The following FAM227A variants were observed in gnomAD, a reference collection of about 807,000 sequenced individuals.
FAM227A encodes the protein protein FAM227A.
Under a neutral mutation model 74.7 loss-of-function variants are expected in FAM227A, and 80 were observed. The observed-to-expected ratio is 1.07, with a 90% CI of 0.89 to 1.29. FAM227A has a LOEUF of 1.29. Ranked by LOEUF, FAM227A falls within the 50% of genes most tolerant of loss-of-function variation. The pLI is 0.00. For missense variants in FAM227A, 654 were observed against 683.4 expected, an observed-to-expected ratio of 0.96 and a Z score of 0.48; for synonymous variants, 237 against 241.8, an observed-to-expected ratio of 0.98 and a Z score of 0.19.
chr22:38,639,100 TCCCAGGTG>T (rs2092060514), intron 4 of FAM227A, among the ~76,000 whole-genome samples: 1 of 151,920 alleles, frequency 6.6e-6, no homozygotes, highest in African/African-American at 2.4e-5. Context: ...GGTACCTACT[TCCCAGGTG>T]TTATAAAAAT....
At chr22:38,610,728 A>G (rs1274840371) in intron 11 of FAM227A, among the ~76,000 whole-genome samples, 8 of 152,196 alleles carry the variant, frequency 5.3e-5, no homozygotes, top group African/African-American at 1.9e-4. Context: ...AAACCTGAAC[A>G]TGGTAGACTC....
intron 3 of FAM227A, among the ~76,000 whole-genome samples, chr22:38,640,780 T>C (rs2092099040): frequency 6.6e-6 from 1 of 152,056 alleles, no homozygotes; most frequent in East Asian, 1.9e-4. Flanking sequence ...TGAGTGTTGG[T>C]GGCATCAGGC....
chr22:38,635,973 G>T (rs1437394371), intron 6 of FAM227A, among the ~76,000 whole-genome samples: 1 of 151,252 alleles, frequency 6.6e-6, no homozygotes, highest in Admixed American at 6.6e-5. Flanking sequence ...CCTGGGTACA[G>T]AGGGAGACCC....
chr22:38,607,520 G>A, intron 11 of FAM227A, 44 bp from the exon 12 acceptor site: 3 of 1,312,478 alleles, frequency 2.3e-6, no homozygotes, highest in Non-Finnish European at 3.2e-6. Context: ...AAGCGAGAGA[G>A]AGAGAACAAA....
At chr22:38,600,708 A>T (rs1165430921) in intron 13 of FAM227A, among the ~76,000 whole-genome samples, 1 of 152,122 alleles carries the variant, frequency 6.6e-6, no homozygotes, top group Non-Finnish European at 1.5e-5. Flanking sequence ...CTGTAATCCC[A>T]GCACTTTGGG....
intron 8 of FAM227A, among the ~76,000 whole-genome samples, chr22:38,626,865 CAAAAAAAAA>C (rs67498232): frequency 1.2e-4 from 2 of 16,800 alleles, no homozygotes; most frequent in African/African-American, 6.7e-4. Context: ...GACTCTGTCT[CAAAAAAAAA>C]AAAAAAAAAA....
At chr22:38,600,044 C>A in intron 13 of FAM227A, 123 bp from the exon 14 acceptor site, 1 of 930,082 alleles carries the variant, frequency 1.1e-6, no homozygotes. Flanking sequence ...TAGGATGCAC[C>A]CTAAGAAAAT....
At chr22:38,590,279 CA>C (rs71197120) in intron 16 of FAM227A, among the ~76,000 whole-genome samples, 18,191 of 58,444 alleles carry the variant, frequency 0.31, 640 homozygotes, top group East Asian at 0.38. Flanking sequence ...GACTCCATCT[CA>C]AAAAAAAAAA....
At chr22:38,626,112 T>A (rs1339156294) in intron 9 of FAM227A, 68 bp downstream of exon 9, 2 of 1,506,592 alleles carry the variant, frequency 1.3e-6, no homozygotes, top group Non-Finnish European at 1.8e-6. Context: ...AACAATAACA[T>A]ACCTAGGTGC....
chr22:38,628,514 A>G (rs1443427888), intron 7 of FAM227A, among the ~76,000 whole-genome samples, 172 bp from the exon 8 acceptor site: 1 of 152,184 alleles, frequency 6.6e-6, no homozygotes, highest in Non-Finnish European at 1.5e-5. Context: ...AAGATGTACA[A>G]AGCACGTACA....
At chr22:38,626,395 A>T (rs2091801344) in intron 8 of FAM227A, 92 bp from the exon 9 acceptor site, 1 of 1,415,684 alleles carries the variant, frequency 7.1e-7, no homozygotes, top group Admixed American at 2.7e-5. Context: ...TTTTTTATAT[A>T]TAGTTTTTGT....
intron 15 of FAM227A, among the ~76,000 whole-genome samples, chr22:38,596,506 G>A (rs1270301701): frequency 6.6e-6 from 1 of 152,140 alleles, no homozygotes; most frequent in African/African-American, 2.4e-5. Flanking sequence ...TAATTGAGCT[G>A]CTGCACTGCA....
At chr22:38,655,587 G>A (rs2092381786) in intron 1 of FAM227A, among the ~76,000 whole-genome samples, 1 of 152,138 alleles carries the variant, frequency 6.6e-6, no homozygotes, top group African/African-American at 2.4e-5. Context: ...TCTTGAAATA[G>A]TAATGTTTTG....
chr22:38,611,448 T>C (rs563512084), intron 11 of FAM227A, among the ~76,000 whole-genome samples: 10 of 152,198 alleles, frequency 6.6e-5, no homozygotes, highest in African/African-American at 2.2e-4. Flanking sequence ...ACTGACTATA[T>C]CTATGCTGTT....
In FAM227A at chr22:38,623,359, G is replaced by T. The variant is rs529245702; in HGVS notation, c.851-80C>A. The T allele has an allele frequency of 2.8e-5, 26 of 914,816 alleles. No individual in the cohort carries two copies. The African/African-American group carries it at 3.1e-4, about 11-fold the overall frequency. 56.7% of individuals were successfully genotyped at this position (914,816 alleles called of 1,614,324 possible). On this transcript the variant is annotated intron_variant, in intron 9 of 16. Coordinates refer to ENST00000535113, the MANE Select transcript of FAM227A (RefSeq NM_001013647.2). ...AATCCCAGAACTTTGAGAAGCCAAG[G>T]TGGGAGGATTGCTTGAGCCCAGGAG...
intron 11 of FAM227A, among the ~76,000 whole-genome samples, chr22:38,607,820 C>T (rs753627006): frequency 7.2e-5 from 11 of 152,150 alleles, no homozygotes; most frequent in Non-Finnish European, 1.0e-4. Flanking sequence ...GCAAATTACA[C>T]GAGTGCTCAA....
Position 38,605,156 on chromosome 22 carries a change from T to C in FAM227A, c.1221+98A>G, listed in dbSNP as rs530694166. ...AAGGTTTGGCATAGTACCTGGCATATAGTAAATATTCATTAAATGTTAATT... is the reference window on the plus strand; with the variant it reads ...AAGGTTTGGCATAGTACCTGGCATACAGTAAATATTCATTAAATGTTAATT... On this transcript the variant is annotated intron_variant, in intron 13 of 16. Coordinates refer to ENST00000535113, the MANE Select transcript of FAM227A (RefSeq NM_001013647.2). 20 of 703,776 alleles carry C rather than the reference T, an allele frequency of 2.8e-5. No homozygotes were observed. The East Asian group carries it at 3.5e-4, about 12-fold the overall frequency. 43.6% of individuals were successfully genotyped at this position (703,776 alleles called of 1,614,324 possible). A position where few individuals can be genotyped will look rare whatever the true frequency, so the allele number is the denominator to read the frequency against.
intron 10 of FAM227A, among the ~76,000 whole-genome samples, chr22:38,621,473 G>A (rs1007588220): frequency 6.6e-6 from 1 of 151,622 alleles, no homozygotes; most frequent in Non-Finnish European, 1.5e-5. Flanking sequence ...TGCTTAGAGA[G>A]CTAACAGGTA....
intron 16 of FAM227A, among the ~76,000 whole-genome samples, chr22:38,586,825 T>A (rs1227038862): frequency 6.6e-6 from 1 of 151,934 alleles, no homozygotes; most frequent in Non-Finnish European, 1.5e-5. Context: ...TGCACCACCA[T>A]GCCCAGCTAA....
Sources: allele counts gnomAD v4.1 joint callset (sites outside exome capture counted in the v4.1 genomes callset), GRCh38; gene constraint gnomAD v4.1.1; transcripts MANE v1.5; gene names NCBI Gene and HGNC (gene_info 2026-07-23, HGNC 2026-07-21).